Variants in ZNF804B observed in about 807,000 individuals in gnomAD.
The protein encoded by ZNF804B is zinc finger 804B.
Under a neutral mutation model 101.4 loss-of-function variants are expected in ZNF804B, and 80 were observed. The observed-to-expected ratio is 0.79, with a 90% CI of 0.66 to 0.95. The LOEUF (loss-of-function observed/expected upper bound fraction) is 0.95, where lower values mean the gene tolerates loss of function less well. Among genes scored for constraint, ZNF804B ranks in the 40% least tolerant of loss-of-function variants. The probability of loss-of-function intolerance (pLI) is 0.00; values close to 1 mark genes in which losing one functional copy is unlikely to be tolerated. For missense variants in ZNF804B, 1,673 were observed against 1,561.9 expected (o/e 1.07, Z -1.20); for synonymous variants, 622 against 558.8 (o/e 1.11, Z -1.59).
chr7:88,962,165 G>T (rs908603961), intron 1 of ZNF804B, among the ~76,000 whole-genome samples: 1 of 151,182 alleles, frequency 6.6e-6, no homozygotes, highest in Non-Finnish European at 1.5e-5. Flanking sequence ...GACCTAAAAT[G>T]GTTTATCTCT....
chr7:89,064,550 T>C (rs1200440808), intron 1 of ZNF804B, among the ~76,000 whole-genome samples: 1 of 152,212 alleles, frequency 6.6e-6, no homozygotes, highest in Non-Finnish European at 1.5e-5. Context: ...TCTTGGTTGA[T>C]GGATTGATTG....
At chr7:89,005,321 A>G (rs1378993591) in intron 1 of ZNF804B, among the ~76,000 whole-genome samples, 2 of 152,040 alleles carry the variant, frequency 1.3e-5, no homozygotes, top group African/African-American at 4.8e-5. Context: ...ATAGCAGTGT[A>G]TATCACAGAG....
intron 2 of ZNF804B, among the ~76,000 whole-genome samples, chr7:89,325,823 G>A (rs1228715489): frequency 1.3e-5 from 2 of 151,522 alleles, no homozygotes; most frequent in Non-Finnish European, 2.9e-5. Flanking sequence ...TTCCAAAATA[G>A]CAATTTTCTC....
Position 88,794,190 on chromosome 7 carries a change from T to A in ZNF804B, c.108+34106T>A, listed in dbSNP as rs111812085. 1.5e-3 allele frequency: 2,425 copies of A among 1,604,386 alleles called. 21 individuals carry two copies. In the African/African-American group the frequency reaches 0.025, roughly 17 times the overall value. On this transcript the variant is annotated intron_variant, in intron 1 of 3. Transcript: ENST00000333190. ...ATTATCCCTCTCAATCCTAGAAACG[T>A]GAAGGAGCAGGCCATACCACCTCAG...
chr7:89,279,563 C>G lies in ZNF804B; in HGVS notation c.250-47781C>G, dbSNP rs552532129. ...TTTATTGAGAGTTTTTAGCATGAAG[C>G]GTTGTTGAATTTTGTCAAAGGCCTT... On this transcript the variant is annotated intron_variant, in intron 2 of 3. Transcript: ENST00000333190. Among the ~76,000 whole-genome samples, 626 of 151,872 alleles carry G rather than the reference C, an allele frequency of 4.1e-3. 5 individuals are homozygous for G. Among genetic ancestry groups the G allele is most frequent in the African/African-American group, 0.014 (594 of 41,346 alleles).
Position 88,792,534 on chromosome 7 carries a change from G to T in ZNF804B, c.108+32450G>T, listed in dbSNP as rs144546972. Among the ~76,000 whole-genome samples, 241 of 152,166 alleles carry T rather than the reference G, an allele frequency of 1.6e-3. 3 individuals carry two copies. The highest frequency in any genetic ancestry group is 5.3e-3 in the African/African-American group (222 of 41,534). ...ACATTCATGCTAATCCTGGACCAAG[G>T]ATTGTATCTTTGTTGAACGTTTTCT... On this transcript the variant is annotated intron_variant, in intron 1 of 3. Transcript: ENST00000333190.
At chr7:88,920,360 A>G (rs1406579243) in intron 1 of ZNF804B, among the ~76,000 whole-genome samples, 1 of 152,070 alleles carries the variant, frequency 6.6e-6, no homozygotes, top group Non-Finnish European at 1.5e-5. Flanking sequence ...ATTTTATACT[A>G]ATTTACCTGG....
chr7:89,073,222 C>CT (rs1159300008), intron 1 of ZNF804B, among the ~76,000 whole-genome samples: 2 of 152,086 alleles, frequency 1.3e-5, no homozygotes, highest in Middle Eastern at 3.2e-3. Context: ...TTGGTAGAAA[C>CT]TGTTTCTTAT....
chr7:89,103,172 A>C (rs1049923438), intron 1 of ZNF804B, among the ~76,000 whole-genome samples: 2 of 140,210 alleles, frequency 1.4e-5, no homozygotes, highest in African/African-American at 5.3e-5. Flanking sequence ...CTTTTAACTT[A>C]GGAATGCTTT....
intron 1 of ZNF804B, among the ~76,000 whole-genome samples, chr7:89,051,188 G>T (rs1347648998): frequency 6.6e-6 from 1 of 151,774 alleles, no homozygotes; most frequent in Non-Finnish European, 1.5e-5. Flanking sequence ...CTGTGTGTAG[G>T]TGTGTGTGCA....
intron 1 of ZNF804B, among the ~76,000 whole-genome samples, chr7:89,200,859 G>A (rs566996205): frequency 1.3e-5 from 2 of 151,938 alleles, no homozygotes; most frequent in South Asian, 2.1e-4. Flanking sequence ...CCCACCTGAG[G>A]CATCTGTTTT....
chr7:89,231,164 T>G (rs964162421), intron 2 of ZNF804B, among the ~76,000 whole-genome samples: 3 of 152,104 alleles, frequency 2.0e-5, no homozygotes, highest in Admixed American at 6.5e-5. Flanking sequence ...AATTTTTTTC[T>G]TATAGATATC....
At chr7:89,216,268 A>G (rs1392117777) in intron 1 of ZNF804B, among the ~76,000 whole-genome samples, 1 of 152,248 alleles carries the variant, frequency 6.6e-6, no homozygotes, top group Non-Finnish European at 1.5e-5. Context: ...AGATCGCGCC[A>G]TTGCACTCCA....
chr7:88,941,672 A>G (rs375693330), intron 1 of ZNF804B, among the ~76,000 whole-genome samples: 1 of 152,012 alleles, frequency 6.6e-6, no homozygotes, highest in East Asian at 1.9e-4. Context: ...TTTGTATAAT[A>G]TATAATGGTA....
At chr7:89,217,074 T>C (rs1232583804) in intron 1 of ZNF804B, among the ~76,000 whole-genome samples, 5 of 152,208 alleles carry the variant, frequency 3.3e-5, no homozygotes, top group African/African-American at 1.2e-4. Context: ...TTGTTTAGTA[T>C]TGTGTAACAA....
intron 2 of ZNF804B, among the ~76,000 whole-genome samples, chr7:89,268,091 T>A (rs1170668732): frequency 6.6e-6 from 1 of 152,172 alleles, no homozygotes; most frequent in Non-Finnish European, 1.5e-5. Context: ...AAAAGTCTAA[T>A]GAGTATCTTT....
intron 1 of ZNF804B, among the ~76,000 whole-genome samples, chr7:88,837,224 T>C (rs1791226503): frequency 6.6e-6 from 1 of 151,968 alleles, no homozygotes; most frequent in African/African-American, 2.4e-5. Context: ...CTTGGCTATA[T>C]GGCAAACATT....
chr7:88,837,694 C>T (rs1583967490), intron 1 of ZNF804B, among the ~76,000 whole-genome samples: 1 of 151,966 alleles, frequency 6.6e-6, no homozygotes, highest in East Asian at 1.9e-4. Context: ...TCACAGTTAT[C>T]TGGAAATTAT....
chr7:88,941,997 T>G (rs1267328044), intron 1 of ZNF804B, among the ~76,000 whole-genome samples: 3 of 151,954 alleles, frequency 2.0e-5, no homozygotes, highest in Non-Finnish European at 4.4e-5. Context: ...ATCTAAGGTT[T>G]TTAGTTGTGC....
Sources: gnomAD v4.1 joint callset for allele counts (sites outside exome capture counted in the v4.1 genomes callset) on GRCh38, gnomAD v4.1.1 for gene constraint, MANE v1.5 for transcripts, NCBI Gene and HGNC (gene_info 2026-07-23, HGNC 2026-07-21) for gene names.